RTN1: variants seen among roughly 807,000 people sequenced by gnomAD.
RTN1 encodes the protein reticulon 1, also known as reticulon-1.
In RTN1, 25 loss-of-function variants were observed where a neutral mutation model predicts 65.5. That is an observed-to-expected ratio of 0.38 (90% CI 0.28 to 0.53). The LOEUF (loss-of-function observed/expected upper bound fraction) is 0.53. Ranked by LOEUF, RTN1 falls within the 20% of genes least tolerant of loss-of-function variation. RTN1 has a pLI of 0.79. For synonymous variants in RTN1, 471 were observed against 447.6 expected, an observed-to-expected ratio of 1.05 and a Z score of -0.66; for missense variants, 983 against 1,025.4, an observed-to-expected ratio of 0.96 and a Z score of 0.57.
chr14:59,747,439 G>A (rs184996169), intron 1 of RTN1, among the ~76,000 whole-genome samples: 14 of 152,250 alleles, frequency 9.2e-5, no homozygotes, highest in African/African-American at 1.4e-4. Context: ...GAGAAACTCC[G>A]TCTCTACTAA....
intron 1 of RTN1, among the ~76,000 whole-genome samples, chr14:59,767,290 C>G (rs975914767): frequency 6.6e-6 from 1 of 152,102 alleles, no homozygotes; most frequent in African/African-American, 2.4e-5. Flanking sequence ...AACTGGTTGC[C>G]CTTCAGTCTT....
At chr14:59,616,102 T>C (rs1882093882) in intron 3 of RTN1, among the ~76,000 whole-genome samples, 1 of 152,188 alleles carries the variant, frequency 6.6e-6, no homozygotes, top group Non-Finnish European at 1.5e-5. Flanking sequence ...TTGGCTTATT[T>C]GGTACAAAAA....
chr14:59,796,743 T>C (rs915380697), intron 1 of RTN1, among the ~76,000 whole-genome samples: 9 of 152,200 alleles, frequency 5.9e-5, no homozygotes, highest in Non-Finnish European at 1.2e-4. Context: ...CCAACCTCTG[T>C]AAACAGTAGA....
intron 3 of RTN1, among the ~76,000 whole-genome samples, chr14:59,610,442 CAT>C (rs1881912977): frequency 6.6e-6 from 1 of 152,182 alleles, no homozygotes; most frequent in Non-Finnish European, 1.5e-5. Flanking sequence ...AAAGCACTCT[CAT>C]ATGTTATCTC....
chr14:59,656,342 G>A (rs1291563331), intron 3 of RTN1, among the ~76,000 whole-genome samples: 1 of 152,182 alleles, frequency 6.6e-6, no homozygotes, highest in South Asian at 2.1e-4. Flanking sequence ...AAAAGGGTAT[G>A]TTTTATGGTA....
chr14:59,750,141 T>TA (rs1885428247), intron 1 of RTN1, among the ~76,000 whole-genome samples: 1 of 61,054 alleles, frequency 1.6e-5, no homozygotes, highest in Non-Finnish European at 2.8e-5. Context: ...TAATATATAA[T>TA]ATATATATTA....
chr14:59,711,701 G>A (rs1042091241), intron 3 of RTN1, among the ~76,000 whole-genome samples: 8 of 152,204 alleles, frequency 5.3e-5, no homozygotes, highest in Non-Finnish European at 1.2e-4. Flanking sequence ...ATCTCAAAAA[G>A]CTTAACGTCT....
chr14:59,642,457 CCTT>C (rs1882800678), intron 3 of RTN1, among the ~76,000 whole-genome samples: 1 of 152,092 alleles, frequency 6.6e-6, no homozygotes, highest in Admixed American at 6.5e-5. Flanking sequence ...ATATGCTAGA[CCTT>C]CTGAAAATGT....
chr14:59,722,620 T>A (rs1449966229), intron 3 of RTN1, among the ~76,000 whole-genome samples: 3 of 152,040 alleles, frequency 2.0e-5, no homozygotes, highest in Non-Finnish European at 4.4e-5. Context: ...TTAAATGACA[T>A]AAGTTACAAA....
Position 59,727,416 on chromosome 14 carries a change from G to T in RTN1, c.1268C>A (p.Ala423Glu). 1 of 1,549,976 alleles carries T rather than the reference G, an allele frequency of 6.5e-7. No homozygotes were observed. The highest frequency in any genetic ancestry group is 8.7e-7 in the Non-Finnish European group (1 of 1,147,742). Residue 423 changes from alanine to glutamate, a missense_variant, in exon 3 of 9, where the codon GCG becomes GAG. Coordinates refer to ENST00000267484, the MANE Select transcript of RTN1 (RefSeq NM_021136.3). The surrounding 1 kb of genome is among the most constrained non-coding windows in gnomAD (Gnocchi z 4.2). ...ATAGCCTGAGGGCAGCGCGTCCTCC[G>T]CGGCCATGGGGTCCTCGGACACCAG... is the stretch of plus-strand genomic sequence containing the variant. The part of the protein sequence containing the change: ...IELVSEDPMA[A>E]EDALPSGYVS...
At chr14:59,835,942 T>C (rs1202471783) in intron 1 of RTN1, among the ~76,000 whole-genome samples, 2 of 152,198 alleles carry the variant, frequency 1.3e-5, no homozygotes, top group Non-Finnish European at 2.9e-5. Flanking sequence ...GAAATTAAGG[T>C]GTCGACAGGG....
chr14:59,804,911 G>T (rs902722958), intron 1 of RTN1, among the ~76,000 whole-genome samples: 3 of 152,224 alleles, frequency 2.0e-5, no homozygotes, highest in Admixed American at 2.0e-4. Flanking sequence ...TTAGGTTAAA[G>T]TGAGAATTTT....
intron 3 of RTN1, among the ~76,000 whole-genome samples, chr14:59,676,203 T>A (rs1183383185): frequency 6.6e-6 from 1 of 152,242 alleles, no homozygotes; most frequent in African/African-American, 2.4e-5. Context: ...GAATGTATAC[T>A]TATGACTAAC....
chr14:59,654,702 C>T (rs559271826), intron 3 of RTN1, among the ~76,000 whole-genome samples: 1 of 151,614 alleles, frequency 6.6e-6, no homozygotes, highest in East Asian at 1.9e-4. Context: ...GGACAAAAAC[C>T]ATACAATTAT....
chr14:59,793,006 A>C (rs1221308696), intron 1 of RTN1, among the ~76,000 whole-genome samples: 1 of 152,132 alleles, frequency 6.6e-6, no homozygotes, highest in African/African-American at 2.4e-5. Flanking sequence ...CATGTGACAA[A>C]CTTAGCCTGA....
At chr14:59,730,755 A>G (rs1214830288) in intron 2 of RTN1, among the ~76,000 whole-genome samples, 1 of 152,248 alleles carries the variant, frequency 6.6e-6, no homozygotes, top group African/African-American at 2.4e-5. Context: ...AATATGCCCA[A>G]CATCATTATT....
intron 1 of RTN1, among the ~76,000 whole-genome samples, chr14:59,858,160 A>G (rs1231879107): frequency 6.6e-6 from 1 of 152,204 alleles, no homozygotes; most frequent in African/African-American, 2.4e-5. Flanking sequence ...GAAAGGGTAC[A>G]TGGCTCATGC....
chr14:59,679,229 A>T (rs756975361), intron 3 of RTN1, among the ~76,000 whole-genome samples: 3 of 152,228 alleles, frequency 2.0e-5, no homozygotes, highest in Non-Finnish European at 2.9e-5. Context: ...TTCCCTCTTA[A>T]GCATCAGAAG....
chr14:59,821,548 A>G (rs1886944802), intron 1 of RTN1, among the ~76,000 whole-genome samples: 1 of 152,132 alleles, frequency 6.6e-6, no homozygotes, highest in African/African-American at 2.4e-5. Context: ...TTCCAATAGT[A>G]TGTTGAATAG....
Sources: gnomAD v4.1 joint callset for allele counts (sites outside exome capture counted in the v4.1 genomes callset) on GRCh38, gnomAD v4.1.1 for gene constraint, Gnocchi (gnomAD v3.1) non-coding constraint, MANE v1.5 for transcripts, NCBI Gene and HGNC (gene_info 2026-07-23, HGNC 2026-07-21) for gene names.